Variants in TRAF7 observed in about 807,000 individuals in gnomAD.
TRAF7 encodes TNF receptor associated factor 7.
Under a neutral mutation model 89.3 loss-of-function variants are expected in TRAF7, and 45 were observed. The observed-to-expected ratio is 0.50, with a 90% CI of 0.40 to 0.65. The LOEUF is 0.65. Ranked by LOEUF, TRAF7 falls within the 30% of genes least tolerant of loss-of-function variation. The pLI is 0.00. For missense variants in TRAF7, 677 were observed against 918.1 expected, an observed-to-expected ratio of 0.74 and a Z score of 3.39; for synonymous variants, 406 against 369.2, an observed-to-expected ratio of 1.10 and a Z score of -1.14.
rs748444237 is a variant in TRAF7 at position 2,163,935 on chromosome 16, G to C, written c.15G>C (p.Lys5Asn). 3.3e-5 allele frequency: 54 copies of C among 1,612,590 alleles called. No homozygotes were observed. In the Admixed American group the frequency reaches 7.8e-4, roughly 23 times the overall value. The change falls in exon 2 of 21, where the codon AAG becomes AAC. Residue 5 changes from lysine to asparagine, a missense_variant. Around this residue, in one of 6 missense-constraint regions of TRAF7, gnomAD observed 240 missense variants for 191.9 expected, o/e 1.25. Transcript: ENST00000326181. This position sits in a 1 kb window ranked among gnomAD's most constrained non-coding sequence, Gnocchi z 4.3. ...CTCTCTAGAGCATGAGCTCAGGCAA[G>C]AGTGCCCGCTACAACCGCTTCTCCG... The part of the protein sequence containing the change: MSSG[K>N]SARYNRFSGG...
At chr16:2,164,388 C>T (rs572421208) in intron 2 of TRAF7, among the ~76,000 whole-genome samples, 20 of 131,240 alleles carry the variant, frequency 1.5e-4, no homozygotes, top group Middle Eastern at 4.9e-3. Context: ...CTGCGTGGTG[C>T]GGCCTGGTCG....
At chr16:2,174,448 T>G in intron 14 of TRAF7, 115 bp downstream of exon 14, 1 of 955,948 alleles carries the variant, frequency 1.0e-6, no homozygotes, top group South Asian at 1.6e-5. Flanking sequence ...GTGCCCCACC[T>G]ATAGGGCACC....
At chr16:2,164,161 C>CTGTGTGTGTGT (rs1567247305) in intron 2 of TRAF7, among the ~76,000 whole-genome samples, 160 bp downstream of exon 2, 4 of 67,578 alleles carry the variant, frequency 5.9e-5, no homozygotes, top group African/African-American at 1.9e-4. Flanking sequence ...TGTGTGTGTG[C>CTGTGTGTGTGT]GCGCGCGCGC....
chr16:2,164,139 GGTGTGT>G lies in TRAF7; in HGVS notation c.81+154_81+159del, dbSNP rs376580813. On this transcript the variant is annotated intron_variant, in intron 2 of 20. Transcript: ENST00000326181. ...AGGGGAGCTCGGTGGGGGGGGGTGTGGTGTGTGTGTGTGTGTGTGTGCGCGCGCGCG... is the reference window on the plus strand; with the variant it reads ...AGGGGAGCTCGGTGGGGGGGGGTGTGGTGTGTGTGTGTGTGCGCGCGCGCG... 2.1e-4 allele frequency: 114 copies of G among 544,428 alleles called. 1 individual carries two copies. The highest frequency in any genetic ancestry group is 1.2e-3 in the Admixed American group (35 of 29,176). 33.7% of individuals were successfully genotyped at this position (544,428 alleles called of 1,614,324 possible).
chr16:2,175,289 T>C lies in TRAF7; in HGVS notation c.1387-12T>C, dbSNP rs987512473. On this transcript the variant is annotated splice_polypyrimidine_tract_variant and intron_variant, in intron 15 of 20. Coordinates refer to ENST00000326181, the MANE Select transcript of TRAF7 (RefSeq NM_032271.3). ...CTTGGTGCCCTGAGGCTGCCGGTCC[T>C]TCCCCAATCAGGTGTGGGACATCCA... 1 of 1,613,004 alleles carries C rather than the reference T, an allele frequency of 6.2e-7. No homozygotes were observed. Among genetic ancestry groups the C allele is most frequent in the South Asian group, 1.1e-5 (1 of 91,086 alleles).
rs1050771734 is a variant in TRAF7 at position 2,163,629 on chromosome 16, C to T, written c.-38-254C>T. 40 of 458,840 alleles carry T rather than the reference C, an allele frequency of 8.7e-5. No homozygotes were observed. Among genetic ancestry groups the T allele is most frequent in the Middle Eastern group, 6.2e-4 (1 of 1,622 alleles). 28.4% of individuals were successfully genotyped at this position (458,840 alleles called of 1,614,324 possible). On this transcript the variant is annotated intron_variant, in intron 1 of 20. Transcript: ENST00000326181. The surrounding 1 kb of genome is among the most constrained non-coding windows in gnomAD (Gnocchi z 4.3). ...TCGGGGAAGAGCTGGATGGGCTCTT[C>T]GGGAGCTCAGAAAGGCTAAGCCTTG... is the stretch of plus-strand genomic sequence containing the variant.
At chr16:2,172,151 C>A in intron 7 of TRAF7, 40 bp from the exon 8 acceptor site, 1 of 1,610,470 alleles carries the variant, frequency 6.2e-7, no homozygotes, top group Non-Finnish European at 8.5e-7. Flanking sequence ...GGAGCGTGTG[C>A]CAGGCAGGCC....
In TRAF7 at chr16:2,162,136, A is replaced by T. The variant is rs2141268014; in HGVS notation, c.-38-1747A>T. Among the ~76,000 whole-genome samples the T allele has an allele frequency of 6.6e-6, 1 of 152,338 alleles. No homozygotes were observed. The highest frequency in any genetic ancestry group is 2.4e-5 in the African/African-American group (1 of 41,582). Reference sequence around the variant, plus strand: ...GGTAGCTCGTGGCGCTGCCAACTGCAGGGGCTGAGATGTCGGGTTGAGCCC... The same window carrying T: ...GGTAGCTCGTGGCGCTGCCAACTGCTGGGGCTGAGATGTCGGGTTGAGCCC... On this transcript the variant is annotated intron_variant, in intron 1 of 20. Transcript: ENST00000326181. This position sits in a 1 kb window ranked among gnomAD's most constrained non-coding sequence, Gnocchi z 5.0.
At chr16:2,167,165 C>A (rs2093089953) in intron 3 of TRAF7, among the ~76,000 whole-genome samples, 1 of 152,170 alleles carries the variant, frequency 6.6e-6, no homozygotes, top group Admixed American at 6.5e-5. Context: ...GCCCCTGTCA[C>A]ACGGCGGAAG....
At position 2,173,925 on chromosome 16, in the gene TRAF7, C is replaced by T. The variant is rs200959929; in HGVS notation, c.1140C>T (p.Tyr380=). Residue 380 remains tyrosine (Y), a synonymous_variant, in exon 13 of 21, where the codon TAC becomes TAT. Transcript: ENST00000326181. Reference sequence around the variant, plus strand: ...CCACTGCTCCCATCTCTGCAGCCTACGACCCTCAGCAGATCTTCAAGTGCA... The same window carrying T: ...CCACTGCTCCCATCTCTGCAGCCTATGACCCTCAGCAGATCTTCAAGTGCA... ...ARLNMGILGS[Y]DPQQIFKCKG... is the part of the protein sequence containing the mutation. 269 of 1,610,934 alleles carry T rather than the reference C, an allele frequency of 1.7e-4. No homozygotes were observed. Among genetic ancestry groups the T allele is most frequent in the Non-Finnish European group, 2.1e-4 (245 of 1,179,330 alleles).
At position 2,173,302 on chromosome 16, in the gene TRAF7, G is replaced by A. The variant is rs200088757; in HGVS notation, c.915G>A (p.Leu305=). ...DDRFHEMHVA[L]AQKDQEIAFL... is the part of the protein sequence containing the mutation. ...GCTTCCACGAGATGCACGTGGCTCT[G>A]GCCCAGAAGGACCAGGAGATCGCCT... Residue 305 remains leucine, a synonymous_variant, in exon 10 of 21, where the codon CTG becomes CTA. Coordinates refer to ENST00000326181, the MANE Select transcript of TRAF7 (RefSeq NM_032271.3). The A allele has an allele frequency of 1.9e-6, 3 of 1,613,668 alleles. No individual in the cohort carries two copies. In the African/African-American group the frequency reaches 4.0e-5, roughly 22 times the overall value.
In TRAF7 at chr16:2,168,189, G is replaced by A. The variant is rs1288870226; in HGVS notation, c.231+21G>A. The A allele has an allele frequency of 6.3e-7, 1 of 1,589,024 alleles. No homozygotes were observed. The highest frequency in any genetic ancestry group is 1.1e-5 in the South Asian group (1 of 88,464). ...GCATGGTAGGTCCCTACCCCCAGGA[G>A]CCCGTGTGAGCCTCAGCCTCCCCCC... On this transcript the variant is annotated intron_variant, in intron 4 of 20. Transcript: ENST00000326181. This position sits in a 1 kb window ranked among gnomAD's most constrained non-coding sequence, Gnocchi z 4.1.
intron 1 of TRAF7, among the ~76,000 whole-genome samples, 154 bp downstream of exon 1, chr16:2,156,012 C>T (rs975871895): frequency 7.7e-6 from 1 of 130,004 alleles, no homozygotes; most frequent in South Asian, 2.6e-4. Flanking sequence ...CGGTCGGGGT[C>T]GGGGTCAGGG....
At position 2,163,703 on chromosome 16, in the gene TRAF7, G is replaced by A. The variant is rs991145148; in HGVS notation, c.-38-180G>A. ...TGCCTGCCCGGGCCTCTGCATACCT[G>A]GGATCGGGGTGAAGGACCTTTGCCT... On this transcript the variant is annotated intron_variant, in intron 1 of 20. Transcript: ENST00000326181. The surrounding 1 kb of genome is among the most constrained non-coding windows in gnomAD (Gnocchi z 4.3). 3.4e-6 allele frequency: 2 copies of A among 591,342 alleles called. No homozygotes were observed. The highest frequency in any genetic ancestry group is 2.9e-5 in the East Asian group (1 of 34,936). The allele number at this position is 591,342 out of a possible 1,614,324, so 36.6% of individuals were successfully genotyped here. A position where few individuals can be genotyped will look rare whatever the true frequency, so the allele number is the denominator to read the frequency against.
At position 2,161,852 on chromosome 16, in the gene TRAF7, A is replaced by C. The variant is rs985402289; in HGVS notation, c.-38-2031A>C. 6.6e-6 allele frequency among the ~76,000 whole-genome samples: 1 copy of C among 152,210 alleles called. No individual in the cohort carries two copies. Among genetic ancestry groups the C allele is most frequent in the Non-Finnish European group, 1.5e-5 (1 of 68,026 alleles). ...GCTGGAGACGGGATAGACATGTGCC[A>C]GGGCAGAGCAGCCTTGTAGACACAC... On this transcript the variant is annotated intron_variant, in intron 1 of 20. Coordinates refer to ENST00000326181, the MANE Select transcript of TRAF7 (RefSeq NM_032271.3). This position sits in a 1 kb window ranked among gnomAD's most constrained non-coding sequence, Gnocchi z 5.2.
In TRAF7 at chr16:2,175,099, C is replaced by T; in HGVS notation, c.1347-12C>T. 3 of 1,613,868 alleles carry T rather than the reference C, an allele frequency of 1.9e-6. No homozygotes were observed. The highest frequency in any genetic ancestry group is 2.5e-6 in the Non-Finnish European group (3 of 1,179,952). On this transcript the variant is annotated splice_polypyrimidine_tract_variant and intron_variant, in intron 14 of 20. Transcript: ENST00000326181. ...CTTCTCCCACCTTGACACATTGTCT[C>T]TGCTTCCCCAGGTGCAAACTCTACA... is the stretch of plus-strand genomic sequence containing the variant.
intron 2 of TRAF7, among the ~76,000 whole-genome samples, chr16:2,165,241 A>C (rs377391702): frequency 6.4e-5 from 2 of 31,032 alleles, no homozygotes; most frequent in East Asian, 1.1e-3. Context: ...TGTTAGTGCT[A>C]CGTGGCGCGG....
At chr16:2,172,123 C>G (rs2093114157) in intron 7 of TRAF7, 68 bp from the exon 8 acceptor site, 1 of 1,590,520 alleles carries the variant, frequency 6.3e-7, no homozygotes, top group Admixed American at 1.7e-5. Flanking sequence ...ATTAGAGGCT[C>G]ATGCCCACCC....
intron 10 of TRAF7, 34 bp from the exon 11 acceptor site, chr16:2,173,447 C>T: frequency 6.2e-7 from 1 of 1,612,544 alleles, no homozygotes; most frequent in Non-Finnish European, 8.5e-7. Context: ...CTGCTCCGGG[C>T]ACCAGTGACA....
Sources: allele counts gnomAD v4.1 joint callset (sites outside exome capture counted in the v4.1 genomes callset), GRCh38; gene constraint gnomAD v4.1.1; regional missense constraint gnomAD v4.1.1; non-coding constraint Gnocchi (gnomAD v3.1); transcripts MANE v1.5; gene names NCBI Gene and HGNC (gene_info 2026-07-23, HGNC 2026-07-21).